STK11: variants seen among roughly 807,000 people sequenced by gnomAD.
STK11 encodes the protein serine/threonine-protein kinase STK11.
STK11 carries 8 observed loss-of-function variants against 47.3 expected under a neutral mutation model. The ratio of observed to expected loss-of-function variants is 0.17; its 90% CI spans 0.10 to 0.31. The LOEUF is 0.31. STK11 is among the 10% of genes least tolerant of loss of function. The probability of loss-of-function intolerance (pLI) is 1.00; values close to 1 mark genes in which losing one functional copy is unlikely to be tolerated. For missense variants in STK11, 475 were observed against 605.0 expected (o/e 0.79, Z 2.25); for synonymous variants, 330 against 255.8 (o/e 1.29, Z -2.77).
chr19:1,221,785 G>A, intron 6 of STK11, 164 bp from the exon 7 acceptor site: 1 of 730,220 alleles, frequency 1.4e-6, no homozygotes, highest in Non-Finnish European at 2.3e-6. Flanking sequence ...CATGTCCCAG[G>A]AGTGGAGTGG....
rs757815836 is a variant in STK11 at position 1,223,110 on chromosome 19, A to C, written c.1046A>C (p.Glu349Ala). ...TTGGAGGACCTGCACGGCGCGGACG[A>C]GGACGAGGACCTCTTCGACATCGAG... ...PYLEDLHGAD[E>A]DEDLFDIEDD... The change falls in exon 8 of 10, where the codon GAG becomes GCG. Residue 349 changes from glutamate to alanine, a missense_variant. Physicochemically the swap from Glu to Ala is moderately radical, Grantham distance 107 (BLOSUM62 -1). This residue lies in a region of STK11 where 219 missense variants were observed against 189.2 expected (regional missense o/e 1.16). Coordinates refer to ENST00000326873, the MANE Select transcript of STK11 (RefSeq NM_000455.5). 6.2e-7 allele frequency: 1 copy of C among 1,611,664 alleles called. No individual in the cohort carries two copies. The highest frequency in any genetic ancestry group is 8.5e-7 in the Non-Finnish European group (1 of 1,179,456).
intron 8 of STK11, chr19:1,225,256 C>T (rs1448589970): frequency 2.0e-6 from 2 of 985,260 alleles, no homozygotes; most frequent in Non-Finnish European, 2.4e-6. Context: ...TTGGTGCCTC[C>T]TCACCAAGGT....
chr19:1,211,817 G>A (rs2080713037), intron 1 of STK11, among the ~76,000 whole-genome samples: 2 of 152,268 alleles, frequency 1.3e-5, no homozygotes, highest in South Asian at 4.1e-4. Flanking sequence ...CCTGGTTGCG[G>A]CGATGATTGG....
chr19:1,222,180 C>A (rs561925711), intron 7 of STK11, among the ~76,000 whole-genome samples, 174 bp downstream of exon 7: 2 of 152,212 alleles, frequency 1.3e-5, no homozygotes, highest in Non-Finnish European at 2.9e-5. Flanking sequence ...GGGCAGTGTC[C>A]TGTTACCGGC....
Position 1,227,922 on chromosome 19 carries a change from C to T in STK11, c.*346C>T, listed in dbSNP as rs2080838518. 1.9e-6 allele frequency: 2 copies of T among 1,069,990 alleles called. No individual in the cohort carries two copies. The highest frequency in any genetic ancestry group is 4.8e-5 in the East Asian group (1 of 20,754). The allele number at this position is 1,069,990 out of a possible 1,614,324, so 66.3% of individuals were successfully genotyped here. ...GCCTCGTGCTCCGCAGGGCGCCCAG[C>T]GCCGTCCGGCGGCCCCGCCGCAGAC... On this transcript the variant is annotated 3_prime_UTR_variant, in exon 10 of 10. Coordinates refer to ENST00000326873, the MANE Select transcript of STK11 (RefSeq NM_000455.5).
At position 1,207,211 on chromosome 19, in the gene STK11, TGGCTTGCTGGGGTCGGGGCCG is replaced by T. The variant is rs1470123551; in HGVS notation, c.290+12_290+32del. 6.3e-7 allele frequency: 1 copy of T among 1,594,078 alleles called. No homozygotes were observed. Among genetic ancestry groups the T allele is most frequent in the Non-Finnish European group, 8.5e-7 (1 of 1,170,308 alleles). The stretch of plus-strand genomic sequence containing the variant: ...GGAGGCCAACGTGAAGAAGTAAGTA[TGGCTTGCTGGGGTCGGGGCCG>T]GGCCGGGCCAGTCACGGTGCTGATG... On this transcript the variant is annotated intron_variant, in intron 1 of 9. Coordinates refer to ENST00000326873, the MANE Select transcript of STK11 (RefSeq NM_000455.5).
At chr19:1,216,584 A>G (rs971560196) in intron 1 of STK11, among the ~76,000 whole-genome samples, 1 of 151,712 alleles carries the variant, frequency 6.6e-6, no homozygotes, top group Middle Eastern at 3.4e-3. Flanking sequence ...GTCTCCAAAA[A>G]AAAAAAAACA....
At chr19:1,223,976 G>A (rs999835295) in intron 8 of STK11, 2 of 1,009,614 alleles carry the variant, frequency 2.0e-6, no homozygotes, top group African/African-American at 1.7e-5. Context: ...GCCTGAGAAG[G>A]GGGGTACGCC....
At chr19:1,215,237 G>A (rs533788049) in intron 1 of STK11, among the ~76,000 whole-genome samples, 1 of 152,286 alleles carries the variant, frequency 6.6e-6, no homozygotes, top group South Asian at 2.1e-4. Context: ...GTGGACACAG[G>A]CCCTGGCCAG....
rs372955005 is a variant in STK11 at position 1,225,151 on chromosome 19, C to T, written c.1109-1303C>T. The T allele has an allele frequency of 2.9e-5, 29 of 985,454 alleles. No individual in the cohort carries two copies. In the East Asian group the frequency reaches 1.2e-3, roughly 42 times the overall value. 61.0% of individuals were successfully genotyped at this position (985,454 alleles called of 1,614,324 possible). A position where few individuals can be genotyped will look rare whatever the true frequency, so the allele number is the denominator to read the frequency against. On this transcript the variant is annotated intron_variant, in intron 8 of 9. Coordinates refer to ENST00000326873, the MANE Select transcript of STK11 (RefSeq NM_000455.5). The stretch of plus-strand genomic sequence containing the variant: ...GTGGGGTGGGGCAAGGGCCCAGTGG[C>T]GGCTGTGCCCGCTGATGCAGAGCTG...
chr19:1,219,561 T>C, intron 3 of STK11, 148 bp downstream of exon 3: 1 of 840,128 alleles, frequency 1.2e-6, no homozygotes, highest in Non-Finnish European at 1.8e-6. Context: ...TGTGTTTTTT[T>C]TCGAGATGGA....
chr19:1,207,035 A>G lies in STK11; in HGVS notation c.122A>G (p.Lys41Arg), dbSNP rs1555734959. ...GAGGTCATCTACCAGCCGCGCCGCAAGCGGGCCAAGCTCATCGGCAAGTAC... is the reference window on the plus strand; with the variant it reads ...GAGGTCATCTACCAGCCGCGCCGCAGGCGGGCCAAGCTCATCGGCAAGTAC... ...STEVIYQPRR[K>R]RAKLIGKYLM... The change falls in exon 1 of 10, where the codon AAG becomes AGG. Residue 41 changes from lysine to arginine, a missense_variant. Transcript: ENST00000326873. 2 of 1,613,794 alleles carry G rather than the reference A, an allele frequency of 1.2e-6. No individual in the cohort carries two copies. Among genetic ancestry groups the G allele is most frequent in the South Asian group, 1.1e-5 (1 of 91,068 alleles).
chr19:1,227,026 G>A (rs896438356), intron 9 of STK11: 2 of 255,660 alleles, frequency 7.8e-6, no homozygotes, highest in Non-Finnish European at 1.5e-5. Flanking sequence ...TCAGCCCAGA[G>A]GCTTTTGAGC....
In STK11 at chr19:1,220,519, AG is replaced by A. The variant is rs534445875; in HGVS notation, c.597+21del. 11 of 1,593,254 alleles carry A rather than the reference AG, an allele frequency of 6.9e-6. No individual in the cohort carries two copies. Among genetic ancestry groups the A allele is most frequent in the African/African-American group, 2.7e-5 (2 of 74,458 alleles). On this transcript the variant is annotated intron_variant, in intron 4 of 9. Coordinates refer to ENST00000326873, the MANE Select transcript of STK11 (RefSeq NM_000455.5). ...GGCGTGGCCGAGGTAGGCACGTGCTAGGGGGGGCCCTGGGGCGCCCCCTCCC... is the reference window on the plus strand; with the variant it reads ...GGCGTGGCCGAGGTAGGCACGTGCTAGGGGGGCCCTGGGGCGCCCCCTCCC...
Position 1,225,958 on chromosome 19 carries a change from T to C in STK11, c.1109-496T>C, listed in dbSNP as rs772922249. On this transcript the variant is annotated intron_variant, in intron 8 of 9. Coordinates refer to ENST00000326873, the MANE Select transcript of STK11 (RefSeq NM_000455.5). ...AGGGACTGGGGGCAGCTGGGGGCCC[T>C]GGCAGGCTGAGCTCTGCTCCCCGCG... The C allele has an allele frequency of 9.4e-5, 93 of 991,816 alleles. No homozygotes were observed. The African/African-American group carries it at 1.0e-3, about 11-fold the overall frequency. 61.4% of individuals were successfully genotyped at this position (991,816 alleles called of 1,614,324 possible).
In STK11 at chr19:1,219,397, G is replaced by A. The variant is rs1225872771; in HGVS notation, c.448G>A (p.Val150Met). 1 of 1,586,598 alleles carries A rather than the reference G, an allele frequency of 6.3e-7. No homozygotes were observed. The highest frequency in any genetic ancestry group is 2.4e-5 in the East Asian group (1 of 42,404). Residue 150 changes from valine to methionine, a missense_variant, in exon 3 of 10, where the codon GTG (valine) becomes ATG (methionine). By Grantham distance (21) the Val-to-Met change is conservative. Transcript: ENST00000326873. ...LDSVPEKRFP[V>M]CQAHGYFCQL... ...CAGCGTGCCGGAGAAGCGTTTCCCA[G>A]TGTGCCAGGCCCACGGGTGCGTGCG...
In STK11 at chr19:1,206,350, C is replaced by A; in HGVS notation, c.-564C>A. The A allele has an allele frequency of 4.3e-6, 1 of 230,780 alleles. No homozygotes were observed. Among genetic ancestry groups the A allele is most frequent in the East Asian group, 6.1e-5 (1 of 16,444 alleles). The allele number at this position is 230,780 out of a possible 1,614,324, so 14.3% of individuals were successfully genotyped here. On this transcript the variant is annotated 5_prime_UTR_variant, in exon 1 of 10. Transcript: ENST00000326873. ...GGGAGGTCCGCTCGGTCGTCCGCGG[C>A]GGAGCGTTTGCTCCTGGGACAGGCG... is the stretch of plus-strand genomic sequence containing the variant.
intron 1 of STK11, among the ~76,000 whole-genome samples, chr19:1,211,148 G>A (rs780780724): frequency 1.2e-4 from 18 of 152,326 alleles, no homozygotes; most frequent in South Asian, 6.2e-4. Flanking sequence ...GGTGGCGCGC[G>A]CCTGTAGTCC....
At chr19:1,215,634 C>T (rs1430213357) in intron 1 of STK11, among the ~76,000 whole-genome samples, 1 of 152,226 alleles carries the variant, frequency 6.6e-6, no homozygotes, top group African/African-American at 2.4e-5. Flanking sequence ...GAGCAATGAG[C>T]CCTGGGACTG....
Sources: allele counts gnomAD v4.1 joint callset (sites outside exome capture counted in the v4.1 genomes callset), GRCh38; gene constraint gnomAD v4.1.1; regional missense constraint gnomAD v4.1.1; transcripts MANE v1.5; gene names NCBI Gene and HGNC (gene_info 2026-07-23, HGNC 2026-07-21).